Variants in COL11A1 observed in about 807,000 individuals in gnomAD.
COL11A1 encodes collagen alpha-1(XI) chain.
COL11A1 carries 74 observed loss-of-function variants against 265.2 expected under a neutral mutation model. The observed-to-expected ratio is 0.28, with a 90% CI of 0.23 to 0.34. The LOEUF (loss-of-function observed/expected upper bound fraction) is 0.34, where lower values mean the gene tolerates loss of function less well. COL11A1 is among the 10% of genes least tolerant of loss of function. COL11A1 has a pLI of 1.00. For missense variants in COL11A1, 2,165 were observed against 2,263.6 expected (o/e 0.96, Z 0.88); for synonymous variants, 816 against 727.6 (o/e 1.12, Z -1.96).
At chr1:103,038,717 A>G (rs1557981158) in intron 4 of COL11A1, among the ~76,000 whole-genome samples, 1 of 152,218 alleles carries the variant, frequency 6.6e-6, no homozygotes, top group Non-Finnish European at 1.5e-5. Flanking sequence ...TCACTTTGAC[A>G]GCAAAAGGGA....
chr1:103,050,329 T>C (rs1420833219), intron 4 of COL11A1, among the ~76,000 whole-genome samples: 2 of 152,204 alleles, frequency 1.3e-5, no homozygotes, highest in Non-Finnish European at 2.9e-5. Context: ...TAAACTTCTC[T>C]TCTCACTTCA....
chr1:102,985,240 T>C (rs1663422835), intron 30 of COL11A1, among the ~76,000 whole-genome samples: 1 of 152,098 alleles, frequency 6.6e-6, no homozygotes, highest in Non-Finnish European at 1.5e-5. Context: ...TTCAAATTTG[T>C]ATGTGCATTG....
In COL11A1 at chr1:103,002,765, TGGG is replaced by T; in HGVS notation, c.2022_2024del (p.Pro675del). ...TACATACCATGTTCCCTTTTGGTCC[TGGG>T]GGGCCATCTACACCTGCCATACCCT... On this transcript the variant is annotated inframe_deletion, in exon 22 of 67. Coordinates refer to ENST00000370096, the MANE Select transcript of COL11A1 (RefSeq NM_001854.4). The T allele has an allele frequency of 6.2e-7, 1 of 1,612,006 alleles. No homozygotes were observed. The highest frequency in any genetic ancestry group is 1.7e-5 in the Admixed American group (1 of 59,868).
intron 24 of COL11A1, among the ~76,000 whole-genome samples, chr1:102,999,792 G>A (rs531439196): frequency 6.6e-6 from 1 of 151,974 alleles, no homozygotes; most frequent in Admixed American, 6.6e-5. Flanking sequence ...TCGAAGCGAA[G>A]GCTCTTGAGC....
chr1:103,083,432 T>A (rs1318619266), intron 1 of COL11A1, among the ~76,000 whole-genome samples: 1 of 12,342 alleles, frequency 8.1e-5, no homozygotes, highest in Admixed American at 1.1e-3. Flanking sequence ...AAATATTTCA[T>A]TTTCCAACAG....
chr1:102,986,485 C>T (rs989453241), intron 30 of COL11A1, among the ~76,000 whole-genome samples: 2 of 151,688 alleles, frequency 1.3e-5, no homozygotes, highest in African/African-American at 4.8e-5. Flanking sequence ...ATGGGTGCAG[C>T]ACACCAACAT....
chr1:103,012,986 T>A (rs988449405), intron 13 of COL11A1, among the ~76,000 whole-genome samples: 8 of 152,162 alleles, frequency 5.3e-5, no homozygotes, highest in African/African-American at 1.9e-4. Flanking sequence ...AATGTTTTAT[T>A]TTGTATAATC....
intron 9 of COL11A1, among the ~76,000 whole-genome samples, chr1:103,021,011 T>C (rs2101933787): frequency 6.8e-6 from 1 of 147,602 alleles, no homozygotes; most frequent in Non-Finnish European, 1.5e-5. Context: ...TCATTTTTCT[T>C]TCTCTGTTTT....
intron 3 of COL11A1, among the ~76,000 whole-genome samples, chr1:103,078,196 TCTC>T (rs1431478835): frequency 6.6e-6 from 1 of 152,016 alleles, no homozygotes; most frequent in Non-Finnish European, 1.5e-5. Flanking sequence ...ATCCCACTCT[TCTC>T]CTGCCATGCT....
chr1:103,007,980 A>G (rs1303948233), intron 15 of COL11A1, among the ~76,000 whole-genome samples: 1 of 152,034 alleles, frequency 6.6e-6, no homozygotes, highest in Non-Finnish European at 1.5e-5. Context: ...TAACAGTACA[A>G]ATTTTTTTTT....
At chr1:103,063,772 C>A (rs1219638484) in intron 4 of COL11A1, among the ~76,000 whole-genome samples, 1 of 152,174 alleles carries the variant, frequency 6.6e-6, no homozygotes, top group East Asian at 1.9e-4. Flanking sequence ...TCAGAAAATA[C>A]ACCACACAGC....
intron 4 of COL11A1, among the ~76,000 whole-genome samples, chr1:103,051,699 G>A (rs1015752693): frequency 2.6e-5 from 4 of 152,174 alleles, no homozygotes; most frequent in African/African-American, 9.6e-5. Context: ...CATCGCTCAC[G>A]CTGGGAGCTG....
chr1:102,957,891 A>C lies in COL11A1; in HGVS notation c.3168+3975T>G, dbSNP rs538638705. ...TCCAAGTTGCAAGAATAAGAATAAC[A>C]GATATAAAATACCTAGCATAAGAGT... On this transcript the variant is annotated intron_variant, in intron 41 of 66. Coordinates refer to ENST00000370096, the MANE Select transcript of COL11A1 (RefSeq NM_001854.4). Among the ~76,000 whole-genome samples, 100 of 152,230 alleles carry C rather than the reference A, an allele frequency of 6.6e-4. 1 individual carries two copies. The Middle Eastern group carries it at 0.01, about 16-fold the overall frequency.
In COL11A1 at chr1:102,970,628, G is replaced by T. The variant is rs557223238; in HGVS notation, c.2809-356C>A. 1.6e-3 allele frequency among the ~76,000 whole-genome samples: 249 copies of T among 152,044 alleles called. 1 individual carries two copies. Among genetic ancestry groups the T allele is most frequent in the Middle Eastern group, 0.01 (3 of 294 alleles). On this transcript the variant is annotated intron_variant, in intron 36 of 66. Transcript: ENST00000370096. The stretch of plus-strand genomic sequence containing the variant: ...AAATGAGTATTTCCCCCTTTTTGGT[G>T]ATTTGTTCCTAATTCAATTCCCGGT...
chr1:103,004,703 TA>T, intron 18 of COL11A1, 42 bp from the exon 19 acceptor site: 1 of 1,526,380 alleles, frequency 6.6e-7, no homozygotes, highest in South Asian at 1.1e-5. Context: ...TGGAAAGAAG[TA>T]GAATGTTTAC....
intron 3 of COL11A1, among the ~76,000 whole-genome samples, chr1:103,076,359 T>G (rs951094549): frequency 2.0e-5 from 3 of 152,044 alleles, no homozygotes; most frequent in Non-Finnish European, 4.4e-5. Flanking sequence ...AGAGCCACCT[T>G]TTAAAAATCT....
chr1:103,042,198 T>C (rs951775798), intron 4 of COL11A1, among the ~76,000 whole-genome samples: 2 of 152,070 alleles, frequency 1.3e-5, no homozygotes, highest in Non-Finnish European at 2.9e-5. Flanking sequence ...ACACTATGAA[T>C]AGGAGGAAAA....
intron 35 of COL11A1, 54 bp downstream of exon 35, chr1:102,978,654 T>A: frequency 2.6e-6 from 4 of 1,561,924 alleles, no homozygotes; most frequent in Admixed American, 3.3e-5. Context: ...GAAATCTAAA[T>A]ACTTGCAGAA....
chr1:102,904,436 C>A (rs1653637223), intron 54 of COL11A1, among the ~76,000 whole-genome samples: 2 of 152,090 alleles, frequency 1.3e-5, no homozygotes, highest in Non-Finnish European at 2.9e-5. Flanking sequence ...AGTGAACAGG[C>A]AACCTACAGA....
Sources: allele counts gnomAD v4.1 joint callset (sites outside exome capture counted in the v4.1 genomes callset), GRCh38; gene constraint gnomAD v4.1.1; transcripts MANE v1.5; gene names NCBI Gene and HGNC (gene_info 2026-07-23, HGNC 2026-07-21).